CFAP54: variants seen among roughly 807,000 people sequenced by gnomAD.
CFAP54 encodes cilia- and flagella-associated protein 54.
In CFAP54, 290 loss-of-function variants were observed where a neutral mutation model predicts 370.4. That is an observed-to-expected ratio of 0.78 (90% CI 0.71 to 0.86). CFAP54 has a LOEUF of 0.86. Among genes scored for constraint, CFAP54 ranks in the 40% least tolerant of loss-of-function variants. The pLI is 0.00. For synonymous variants in CFAP54, 1,206 were observed against 1,236.5 expected (o/e 0.98, Z 0.52); for missense variants, 3,399 against 3,528.7 (o/e 0.96, Z 0.93).
intron 20 of CFAP54, among the ~76,000 whole-genome samples, chr12:96,578,276 C>G (rs542498326): frequency 3.9e-5 from 6 of 152,070 alleles, no homozygotes; most frequent in Non-Finnish European, 8.8e-5. Context: ...CTGATGACAA[C>G]CTTCATAGTG....
chr12:96,616,807 G>A (rs1956424128), intron 26 of CFAP54, among the ~76,000 whole-genome samples: 1 of 152,156 alleles, frequency 6.6e-6, no homozygotes, highest in Non-Finnish European at 1.5e-5. Flanking sequence ...GCCATCTTGT[G>A]GGGTCAAGGA....
chr12:96,675,696 C>G (rs1177120804), intron 39 of CFAP54, among the ~76,000 whole-genome samples: 2 of 152,104 alleles, frequency 1.3e-5, no homozygotes, highest in Non-Finnish European at 2.9e-5. Context: ...GCCAAATATC[C>G]AACAATGATA....
intron 32 of CFAP54, among the ~76,000 whole-genome samples, chr12:96,633,542 C>A (rs187631626): frequency 4.6e-5 from 7 of 152,260 alleles, no homozygotes; most frequent in Admixed American, 3.3e-4. Flanking sequence ...CAGTATGTAA[C>A]CTTTTGAGGC....
At chr12:96,600,830 A>C (rs1039655737) in intron 26 of CFAP54, among the ~76,000 whole-genome samples, 3 of 152,196 alleles carry the variant, frequency 2.0e-5, no homozygotes, top group Non-Finnish European at 2.9e-5. Context: ...ACTTTGCTGA[A>C]GCTGCTTATC....
At position 96,829,068 on chromosome 12, in the gene CFAP54, G is replaced by A. The variant is rs367773098; in HGVS notation, c.9151G>A (p.Glu3051Lys). The change falls in exon 66 of 68, where the codon GAG becomes AAG. Residue 3051 changes from glutamate to lysine, a missense_variant. By Grantham distance (56) the Glu-to-Lys change is moderately conservative (BLOSUM62 1). Transcript: ENST00000524981. ...EIASLFLNDK[E>K]PTPLSEVPFD... Reference sequence around the variant, plus strand: ...AGCATCTCTGTTTTTGAATGATAAAGAGCCAACACCACTATCTGAGGTATG... The same window carrying A: ...AGCATCTCTGTTTTTGAATGATAAAAAGCCAACACCACTATCTGAGGTATG... 36 of 1,514,146 alleles carry A rather than the reference G, an allele frequency of 2.4e-5. 1 individual carries two copies. In the African/African-American group the frequency reaches 4.0e-4, roughly 17 times the overall value. 93.8% of individuals were successfully genotyped at this position (1,514,146 alleles called of 1,614,324 possible). A position where few individuals can be genotyped will look rare whatever the true frequency, so the allele number is the denominator to read the frequency against.
intron 2 of CFAP54, among the ~76,000 whole-genome samples, chr12:96,502,935 G>A (rs1955046899): frequency 6.6e-6 from 1 of 152,150 alleles, no homozygotes; most frequent in African/African-American, 2.4e-5. Context: ...AGAGAGGCAA[G>A]TAGCTCACCT....
chr12:96,556,011 A>G (rs2136402444), intron 17 of CFAP54, among the ~76,000 whole-genome samples: 1 of 152,148 alleles, frequency 6.6e-6, no homozygotes, highest in East Asian at 1.9e-4. Flanking sequence ...TTTATTTCAA[A>G]GTGCTAGAAT....
Position 96,580,689 on chromosome 12 carries a change from G to A in CFAP54, c.2889G>A (p.Ala963=), listed in dbSNP as rs1956024795. 12 of 1,492,208 alleles carry A rather than the reference G, an allele frequency of 8.0e-6. No individual in the cohort carries two copies. The highest frequency in any genetic ancestry group is 4.2e-5 in the African/African-American group (3 of 71,962). 92.4% of individuals were successfully genotyped at this position (1,492,208 alleles called of 1,614,324 possible). A position where few individuals can be genotyped will look rare whatever the true frequency, so the allele number is the denominator to read the frequency against. ...NNNHLPNSGE[A]IPADGKSVFE... ...ATCATCTCCCAAATTCAGGAGAAGC[G>A]GTACGTCAAATTAAACATCAGGAAA... The change falls in exon 21 of 68, where the codon GCG becomes GCA. Residue 963 remains alanine (A), a splice_region_variant and synonymous_variant. Coordinates refer to ENST00000524981, the MANE Select transcript of CFAP54 (RefSeq NM_001306084.2).
chr12:96,648,580 CTTTTTTTTTTTTTTTTTT>C (rs11303164), intron 34 of CFAP54, among the ~76,000 whole-genome samples: 5 of 58,668 alleles, frequency 8.5e-5, no homozygotes, highest in African/African-American at 3.4e-4. Flanking sequence ...AAACAGGGTT[CTTTTTTTTTTTTTTTTTT>C]TTTTTTTTTG....
intron 67 of CFAP54, among the ~76,000 whole-genome samples, chr12:96,869,336 A>G (rs1960089311): frequency 6.6e-6 from 1 of 152,192 alleles, no homozygotes; most frequent in African/African-American, 2.4e-5. Flanking sequence ...TCAAGACTTC[A>G]AAGGCTGATT....
intron 22 of CFAP54, among the ~76,000 whole-genome samples, chr12:96,584,745 G>A (rs1399261705): frequency 6.6e-6 from 1 of 152,054 alleles, no homozygotes; most frequent in Non-Finnish European, 1.5e-5. Flanking sequence ...AACCAGCTCA[G>A]CTTGGGGTAA....
At chr12:96,617,727 C>T (rs977797977) in intron 26 of CFAP54, among the ~76,000 whole-genome samples, 12 of 152,248 alleles carry the variant, frequency 7.9e-5, no homozygotes, top group African/African-American at 2.6e-4. Context: ...CGTGGTGGCT[C>T]ACGCCTGTAA....
chr12:96,803,574 C>A (rs1958846173), intron 63 of CFAP54, among the ~76,000 whole-genome samples: 1 of 152,100 alleles, frequency 6.6e-6, no homozygotes. Context: ...TTCACCATAA[C>A]CTCAACTAAT....
intron 25 of CFAP54, among the ~76,000 whole-genome samples, chr12:96,597,718 A>G (rs534666319): frequency 8.0e-4 from 122 of 151,900 alleles, no homozygotes; most frequent in African/African-American, 2.8e-3. Context: ...GTTCACAACC[A>G]AAGATATGGT....
intron 53 of CFAP54, 74 bp from the exon 54 acceptor site, chr12:96,743,657 C>A: frequency 6.4e-7 from 1 of 1,561,660 alleles, no homozygotes. Context: ...GAATGCATAA[C>A]AATTAACATG....
intron 58 of CFAP54, among the ~76,000 whole-genome samples, chr12:96,758,253 C>T (rs183276730): frequency 1.4e-4 from 21 of 152,136 alleles, no homozygotes; most frequent in Middle Eastern, 3.4e-3. Flanking sequence ...TTCATTTTCA[C>T]GCTGCTAATA....
intron 63 of CFAP54, among the ~76,000 whole-genome samples, chr12:96,800,002 A>G (rs986917284): frequency 6.6e-6 from 1 of 152,220 alleles, no homozygotes; most frequent in African/African-American, 2.4e-5. Flanking sequence ...GGAGCTAATA[A>G]AAGATTATAT....
intron 32 of CFAP54, among the ~76,000 whole-genome samples, chr12:96,641,942 G>GGT (rs58774231): frequency 6.7e-6 from 1 of 148,724 alleles, no homozygotes; most frequent in Non-Finnish European, 1.5e-5. Flanking sequence ...GTGGTGCGGG[G>GGT]GGGGAGGGAT....
At chr12:96,874,632 AT>A (rs1485590262) in intron 67 of CFAP54, among the ~76,000 whole-genome samples, 3 of 30,428 alleles carry the variant, frequency 9.9e-5, no homozygotes, top group Non-Finnish European at 1.3e-4. Flanking sequence ...TTTTTATTTT[AT>A]TTTTTTTTTT....
Sources: allele counts gnomAD v4.1 joint callset (sites outside exome capture counted in the v4.1 genomes callset), GRCh38; gene constraint gnomAD v4.1.1; transcripts MANE v1.5; gene names NCBI Gene and HGNC (gene_info 2026-07-23, HGNC 2026-07-21).